Variants in DAB1 observed in about 807,000 individuals in gnomAD.
DAB1 encodes the protein disabled homolog 1.
Under a neutral mutation model 64.6 loss-of-function variants are expected in DAB1, and 15 were observed. The ratio of observed to expected loss-of-function variants is 0.23; its 90% CI spans 0.16 to 0.36. The LOEUF (loss-of-function observed/expected upper bound fraction) is 0.36, where lower values mean the gene tolerates loss of function less well. Among genes scored for constraint, DAB1 ranks in the 10% least tolerant of loss-of-function variants. The pLI, the probability that DAB1 is intolerant of heterozygous loss-of-function variation, is 1.00. For synonymous variants in DAB1, 235 were observed against 251.9 expected (o/e 0.93, Z 0.64); for missense variants, 596 against 706.7 (o/e 0.84, Z 1.78).
chr1:57,183,455 G>GA (rs1025394577), intron 2 of DAB1, among the ~76,000 whole-genome samples: 16 of 152,298 alleles, frequency 1.1e-4, no homozygotes, highest in African/African-American at 3.9e-4. Flanking sequence ...TATGGGTTGA[G>GA]AAAATGCATG....
rs181529009 is a variant in DAB1, at chr1:58,379,646, G to A, written n.258-36243C>T. Among the ~76,000 whole-genome samples the A allele has an allele frequency of 2.4e-3, 364 of 152,286 alleles. 2 individuals carry two copies. The highest frequency in any genetic ancestry group is 8.2e-3 in the African/African-American group (339 of 41,558). ...ATACCTATTGGTGCAACCATCCCAGGCTCTAGGGATACAGTGGTGAAAACA... is the reference window on the plus strand; with the variant it reads ...ATACCTATTGGTGCAACCATCCCAGACTCTAGGGATACAGTGGTGAAAACA... On this transcript the variant is annotated intron_variant and non_coding_transcript_variant, in intron 3 of 20. Transcript: ENST00000485760.
chr1:57,815,529 C>A (rs765540853), intron 6 of DAB1, among the ~76,000 whole-genome samples: 4 of 152,056 alleles, frequency 2.6e-5, no homozygotes, highest in Non-Finnish European at 5.9e-5. Flanking sequence ...AATTGTGATG[C>A]TAAATGCATT....
chr1:57,201,577 G>A (rs546805543), intron 2 of DAB1, among the ~76,000 whole-genome samples: 1 of 151,954 alleles, frequency 6.6e-6, no homozygotes, highest in South Asian at 2.1e-4. Flanking sequence ...TGTACCCTAT[G>A]TTTCAAAATT....
At chr1:57,477,293 C>T (rs1001926640) in intron 7 of DAB1, among the ~76,000 whole-genome samples, 2 of 152,140 alleles carry the variant, frequency 1.3e-5, no homozygotes, top group African/African-American at 2.4e-5. Flanking sequence ...CACACAGACC[C>T]CTAAAACCAG....
At chr1:57,366,971 C>A (rs1680051094) in intron 1 of DAB1, among the ~76,000 whole-genome samples, 1 of 151,630 alleles carries the variant, frequency 6.6e-6, no homozygotes, top group Admixed American at 6.6e-5. Context: ...CTTTGGGAGG[C>A]AGAGGCAGGT....
intron 11 of DAB1, among the ~76,000 whole-genome samples, chr1:57,017,104 G>C (rs1417098169): frequency 6.6e-6 from 1 of 152,048 alleles, no homozygotes; most frequent in African/African-American, 2.4e-5. Context: ...CCTTCTATTT[G>C]ATTGTATTAG....
intron 3 of DAB1, among the ~76,000 whole-genome samples, chr1:58,388,571 C>A (rs1406042557): frequency 6.6e-6 from 1 of 152,198 alleles, no homozygotes; most frequent in Non-Finnish European, 1.5e-5. Flanking sequence ...GGAGCATTGA[C>A]TATTTGCTCA....
intron 9 of DAB1, among the ~76,000 whole-genome samples, chr1:57,031,093 T>A (rs1646952710): frequency 6.6e-6 from 1 of 152,208 alleles, no homozygotes. Context: ...TAGACTTTCC[T>A]TTTGCCAGAT....
chr1:57,187,788 C>T (rs551851157), intron 2 of DAB1, among the ~76,000 whole-genome samples: 1 of 152,018 alleles, frequency 6.6e-6, no homozygotes, highest in Non-Finnish European at 1.5e-5. Flanking sequence ...AGTTCTCAAC[C>T]ATTCAGCTAA....
chr1:58,134,279 A>G (rs984684092), intron 5 of DAB1, among the ~76,000 whole-genome samples: 9 of 152,162 alleles, frequency 5.9e-5, no homozygotes, highest in Non-Finnish European at 1.2e-4. Context: ...AACATGGAGA[A>G]AAAAAAGCCT....
At chr1:57,541,515 A>T (rs943245636) in intron 7 of DAB1, among the ~76,000 whole-genome samples, 10 of 152,170 alleles carry the variant, frequency 6.6e-5, no homozygotes, top group African/African-American at 2.4e-4. Flanking sequence ...CAGTATAACA[A>T]AGGAGGCTTT....
At chr1:58,117,756 T>C (rs971264079) in intron 5 of DAB1, among the ~76,000 whole-genome samples, 1 of 151,960 alleles carries the variant, frequency 6.6e-6, no homozygotes, top group Non-Finnish European at 1.5e-5. Context: ...AAGTAAAAGA[T>C]ATGAATTGAG....
chr1:57,916,259 C>T (rs570351027), intron 5 of DAB1, among the ~76,000 whole-genome samples: 11 of 152,280 alleles, frequency 7.2e-5, no homozygotes, highest in African/African-American at 2.6e-4. Flanking sequence ...CAGTGGCCAG[C>T]CCTCCTCTCT....
chr1:57,155,753 CT>C (rs369604250), intron 2 of DAB1, among the ~76,000 whole-genome samples: 17,362 of 127,908 alleles, frequency 0.14, 1,293 homozygotes, highest in East Asian at 0.27. Flanking sequence ...AGAGATCTTT[CT>C]TTTTTTTTTT....
chr1:58,073,652 G>T (rs1311205431), intron 5 of DAB1, among the ~76,000 whole-genome samples: 1 of 152,114 alleles, frequency 6.6e-6, no homozygotes, highest in Non-Finnish European at 1.5e-5. Context: ...ATACTTTCTG[G>T]GTTTTGAAAT....
chr1:58,506,679 T>A (rs1342987418), intron 2 of DAB1, among the ~76,000 whole-genome samples: 1 of 152,152 alleles, frequency 6.6e-6, no homozygotes, highest in Non-Finnish European at 1.5e-5. Context: ...AAATTCTGTT[T>A]TCATAAAGTT....
chr1:57,402,163 C>A (rs1037348995), intron 1 of DAB1, among the ~76,000 whole-genome samples: 2 of 152,128 alleles, frequency 1.3e-5, no homozygotes, highest in Non-Finnish European at 2.9e-5. Flanking sequence ...TGAGGTCAAT[C>A]TCATCTTGTA....
At chr1:57,905,121 G>T (rs1644531759) in intron 5 of DAB1, among the ~76,000 whole-genome samples, 2 of 151,904 alleles carry the variant, frequency 1.3e-5, no homozygotes, top group Admixed American at 1.3e-4. Context: ...TTCATTTTAT[G>T]GATGAAGAAA....
At chr1:57,932,244 T>C (rs1016160831) in intron 5 of DAB1, among the ~76,000 whole-genome samples, 5 of 152,240 alleles carry the variant, frequency 3.3e-5, no homozygotes, top group African/African-American at 1.2e-4. Context: ...GTTTGTTTTA[T>C]GGCCCAGAAT....
Sources: gnomAD v4.1 joint callset for allele counts (sites outside exome capture counted in the v4.1 genomes callset) on GRCh38, gnomAD v4.1.1 for gene constraint, MANE v1.5 for transcripts, NCBI Gene and HGNC (gene_info 2026-07-23, HGNC 2026-07-21) for gene names.